CPLANE1: variants seen among roughly 807,000 people sequenced by gnomAD.
CPLANE1 encodes ciliogenesis and planar polarity effector 1.
Under a neutral mutation model 362.5 loss-of-function variants are expected in CPLANE1, and 263 were observed. The ratio of observed to expected loss-of-function variants is 0.73; its 90% confidence interval spans 0.66 to 0.80. CPLANE1 has a LOEUF of 0.80. Among genes scored for constraint, CPLANE1 ranks in the 30% least tolerant of loss-of-function variants. CPLANE1 has a pLI of 0.00. For missense variants in CPLANE1, 3,461 were observed against 3,793.4 expected (o/e 0.91, Z 2.30); for synonymous variants, 1,212 against 1,302.6 (o/e 0.93, Z 1.50).
rs1184183855 is a variant in CPLANE1 at position 37,187,458 on chromosome 5, C to T, written c.4036G>A (p.Asp1346Asn). 6.2e-7 allele frequency: 1 copy of T among 1,613,650 alleles called. No homozygotes were observed. Among genetic ancestry groups the T allele is most frequent in the African/African-American group, 1.3e-5 (1 of 74,886 alleles). ...RFFNMEELIQDIILSLIGELP... is the reference protein window; with the variant it reads ...RFFNMEELIQNIILSLIGELP... Reference sequence around the variant, plus strand: ...TCTCCAATAAGGCTCAAAATTATATCCTGAATAAGTTCTTCCATATTAAAA... The same window carrying T: ...TCTCCAATAAGGCTCAAAATTATATTCTGAATAAGTTCTTCCATATTAAAA... Residue 1346 changes from aspartate (D) to asparagine (N), a missense_variant, in exon 23 of 53, where the codon GAT (aspartate) becomes AAT (asparagine). By Grantham distance (23) the Asp-to-Asn change is conservative. This residue lies in a region of CPLANE1 where 3,380 missense variants were observed against 3,666.1 expected (regional missense o/e 0.92). Coordinates refer to ENST00000651892, the MANE Select transcript of CPLANE1 (RefSeq NM_001384732.1).
At chr5:37,132,329 T>C (rs1766078417) in intron 46 of CPLANE1, among the ~76,000 whole-genome samples, 1 of 145,298 alleles carries the variant, frequency 6.9e-6, no homozygotes, top group Non-Finnish European at 1.5e-5. Flanking sequence ...GCTTATTCGA[T>C]TGTTCAAGTT....
chr5:37,212,946 C>A (rs190212732), intron 16 of CPLANE1, among the ~76,000 whole-genome samples: 2 of 152,318 alleles, frequency 1.3e-5, no homozygotes, highest in African/African-American at 4.8e-5. Context: ...GGGCACGTGG[C>A]GCACGCCTAT....
At chr5:37,144,425 G>A (rs1437873020) in intron 43 of CPLANE1, among the ~76,000 whole-genome samples, 5 of 150,204 alleles carry the variant, frequency 3.3e-5, no homozygotes, top group Non-Finnish European at 5.9e-5. Flanking sequence ...AAAAAGAAGT[G>A]GATGCAAGAA....
chr5:37,224,245 T>C lies in CPLANE1; in HGVS notation c.2581+8A>G. On this transcript the variant is annotated splice_region_variant and intron_variant, in intron 14 of 52. Coordinates refer to ENST00000651892, the MANE Select transcript of CPLANE1 (RefSeq NM_001384732.1). ...TATTATGGCACATATTTTTTAACAC[T>C]CTCTTACCTTTCTCTTCGATTTCTT... is the stretch of plus-strand genomic sequence containing the variant. 2 of 1,535,240 alleles carry C rather than the reference T, an allele frequency of 1.3e-6. No individual in the cohort carries two copies. Among genetic ancestry groups the C allele is most frequent in the Non-Finnish European group, 1.8e-6 (2 of 1,133,772 alleles).
At chr5:37,137,539 C>A (rs948602607) in intron 46 of CPLANE1, among the ~76,000 whole-genome samples, 5 of 152,170 alleles carry the variant, frequency 3.3e-5, no homozygotes, top group African/African-American at 1.2e-4. Flanking sequence ...TTAGTCTGTT[C>A]TTACACTGCT....
intron 25 of CPLANE1, among the ~76,000 whole-genome samples, chr5:37,184,244 CCAA>C (rs1396004538): frequency 6.6e-6 from 1 of 151,988 alleles, no homozygotes; most frequent in Non-Finnish European, 1.5e-5. Context: ...CCTTAACTGC[CCAA>C]CAACAATTCC....
chr5:37,205,018 G>A (rs1200448638), intron 18 of CPLANE1, among the ~76,000 whole-genome samples: 6 of 152,158 alleles, frequency 3.9e-5, no homozygotes, highest in African/African-American at 7.2e-5. Flanking sequence ...TTAGCCGGAC[G>A]TGGTGGCCCA....
intron 34 of CPLANE1, 113 bp downstream of exon 34, chr5:37,168,678 T>TA (rs1467608796): frequency 4.5e-6 from 4 of 895,774 alleles, no homozygotes; most frequent in Non-Finnish European, 6.8e-6. Context: ...TGCTATTTTC[T>TA]ATAACAAGCA....
chr5:37,232,441 C>T (rs1396750358), intron 8 of CPLANE1, among the ~76,000 whole-genome samples: 1 of 149,988 alleles, frequency 6.7e-6, no homozygotes, highest in Non-Finnish European at 1.5e-5. Flanking sequence ...TGCTTGAACC[C>T]GAGAAGCAGA....
At chr5:37,075,767 C>T in the CPLANE1 span, among the ~76,000 whole-genome samples, 1 of 152,122 alleles carries the variant, frequency 6.6e-6, no homozygotes, top group South Asian at 2.1e-4. Context: ...GCCTTCTTCC[C>T]GGAATCTAGA....
rs552538038 is a variant in CPLANE1 at position 37,132,637 on chromosome 5, G to A, written c.8792+6083C>T. 3.2e-4 allele frequency among the ~76,000 whole-genome samples: 49 copies of A among 152,016 alleles called. 1 individual carries two copies. The South Asian group carries it at 7.7e-3, about 24-fold the overall frequency. On this transcript the variant is annotated intron_variant, in intron 46 of 52. Transcript: ENST00000651892. ...CTGGGATTACAGGCGTTGAGCCACC[G>A]CCCCCAGCCCAATTGTTCAAGTTCT...
At chr5:37,151,886 C>G (rs1197049619) in intron 42 of CPLANE1, among the ~76,000 whole-genome samples, 1 of 140,608 alleles carries the variant, frequency 7.1e-6, no homozygotes, top group African/African-American at 2.6e-5. Flanking sequence ...CCAAATCTAC[C>G]AAAAAAAAAA....
intron 1 of CPLANE1, among the ~76,000 whole-genome samples, chr5:37,248,377 G>A (rs562519226): frequency 2.0e-5 from 3 of 150,864 alleles, no homozygotes; most frequent in African/African-American, 7.3e-5. Context: ...TGATCCGCCC[G>A]ACTCAGCCTC....
chr5:37,120,382 A>T (rs370079840), intron 49 of CPLANE1, 42 bp from the exon 50 acceptor site: 1 of 1,505,006 alleles, frequency 6.6e-7, no homozygotes, highest in South Asian at 1.3e-5. Flanking sequence ...CCAGAATCTC[A>T]TATCAGCGAT....
At chr5:37,190,859 T>TA (rs1785339941) in intron 21 of CPLANE1, among the ~76,000 whole-genome samples, 1 of 152,228 alleles carries the variant, frequency 6.6e-6, no homozygotes, top group African/African-American at 2.4e-5. Context: ...GCCAGTCATA[T>TA]AAAATCTAGC....
In CPLANE1 at chr5:37,153,915, C is replaced by A; in HGVS notation, c.8198G>T (p.Arg2733Leu). Residue 2733 changes from arginine to leucine, a missense_variant, in exon 42 of 53, where the codon CGG becomes CTG. Physicochemically the swap from Arg to Leu is moderately radical, Grantham distance 102. Transcript: ENST00000651892. ...GCAAGCTGCAGAGACACCTTGCAGCCGTTTCCACAATAGATAATCTTCTGC... is the reference window on the plus strand; with the variant it reads ...GCAAGCTGCAGAGACACCTTGCAGCAGTTTCCACAATAGATAATCTTCTGC... ...DSAEDYLLWKRLQGVSAACPA... is the reference protein window; with the variant it reads ...DSAEDYLLWKLLQGVSAACPA... 1 of 1,614,078 alleles carries A rather than the reference C, an allele frequency of 6.2e-7. No homozygotes were observed. Among genetic ancestry groups the A allele is most frequent in the Non-Finnish European group, 8.5e-7 (1 of 1,179,990 alleles).
intron 4 of CPLANE1, among the ~76,000 whole-genome samples, chr5:37,245,033 T>C (rs1422433315): frequency 6.6e-6 from 1 of 151,678 alleles, no homozygotes; most frequent in Non-Finnish European, 1.5e-5. Context: ...GCGCCTGTAG[T>C]CCCAGCTACT....
Position 37,230,871 on chromosome 5 carries a change from AC to A in CPLANE1, c.1116del (p.Tyr373IlefsTer25). On this transcript the variant is annotated frameshift_variant, in exon 9 of 53. Transcript: ENST00000651892. ...AEFIPLHPLI[T>X]YRPQQFTFQD... is the part of the protein sequence containing the mutation. Reference sequence around the variant, plus strand: ...AACACAATTCAAATGTCTCACCTATACGTTATTAGTGGATGAAGAGGAATAA... The same window carrying A: ...AACACAATTCAAATGTCTCACCTATAGTTATTAGTGGATGAAGAGGAATAA... The A allele has an allele frequency of 6.6e-7, 1 of 1,521,820 alleles. No homozygotes were observed. Among genetic ancestry groups the A allele is most frequent in the Non-Finnish European group, 8.8e-7 (1 of 1,132,286 alleles). The allele number at this position is 1,521,820 out of a possible 1,614,324, so 94.3% of individuals were successfully genotyped here. A position where few individuals can be genotyped will look rare whatever the true frequency, so the allele number is the denominator to read the frequency against.
intron 46 of CPLANE1, among the ~76,000 whole-genome samples, chr5:37,136,581 G>A (rs565130794): frequency 3.9e-5 from 6 of 152,322 alleles, no homozygotes; most frequent in African/African-American, 1.4e-4. Flanking sequence ...AATTTGTGTG[G>A]GGGCTCCAAC....
Sources: gnomAD v4.1 joint callset for allele counts (sites outside exome capture counted in the v4.1 genomes callset) on GRCh38, gnomAD v4.1.1 for gene constraint, gnomAD v4.1.1 regional missense constraint, MANE v1.5 for transcripts, NCBI Gene and HGNC (gene_info 2026-07-23, HGNC 2026-07-21) for gene names.